Variants in KIAA0586 observed in about 807,000 individuals in gnomAD.
The protein encoded by KIAA0586 is KIAA0586, also known as protein TALPID3.
In KIAA0586, 144 loss-of-function variants were observed where a neutral mutation model predicts 169.8. The ratio of observed to expected loss-of-function variants is 0.85; its 90% CI spans 0.74 to 0.97. The LOEUF is 0.97. KIAA0586 is among the 50% of genes least tolerant of loss of function. KIAA0586 has a pLI of 0.00. For synonymous variants in KIAA0586, 625 were observed against 612.4 expected, an observed-to-expected ratio of 1.02 and a Z score of -0.30; for missense variants, 1,854 against 1,823.0, an observed-to-expected ratio of 1.02 and a Z score of -0.31.
chr14:58,522,120 TC>T, intron 29 of KIAA0586: 2 of 593,680 alleles, frequency 3.4e-6, no homozygotes, highest in East Asian at 5.5e-5. Context: ...CCAATCCTTG[TC>T]CTTCCCATGT....
rs182002401 is a variant in KIAA0586 at position 58,442,593 on chromosome 14, A to G, written c.411-113A>G. 8.1e-4 allele frequency: 596 copies of G among 734,512 alleles called. 4 individuals carry two copies. In the African/African-American group the frequency reaches 9.7e-3, roughly 12 times the overall value. 45.5% of individuals were successfully genotyped at this position (734,512 alleles called of 1,614,324 possible). A position where few individuals can be genotyped will look rare whatever the true frequency, so the allele number is the denominator to read the frequency against. On this transcript the variant is annotated intron_variant, in intron 4 of 30. Transcript: ENST00000652326. ...ACCAAATGACCTTGTTTGATAGGTG[A>G]TTTAATTAAAAAAAATCAAAACCAC...
chr14:58,536,841 T>A (rs2046318551), intron 29 of KIAA0586, among the ~76,000 whole-genome samples: 1 of 152,142 alleles, frequency 6.6e-6, no homozygotes, highest in Non-Finnish European at 1.5e-5. Flanking sequence ...GTGGTAAAGA[T>A]AAAAATATAA....
At chr14:58,435,947 G>C (rs746202156) in intron 4 of KIAA0586, among the ~76,000 whole-genome samples, 1 of 152,072 alleles carries the variant, frequency 6.6e-6, no homozygotes, top group African/African-American at 2.4e-5. Context: ...GACCTTAGGC[G>C]ATCTGCCCAC....
downstream of KIAA0586, among the ~76,000 whole-genome samples, chr14:58,555,257 C>T (rs1299738236): frequency 2.6e-5 from 4 of 152,004 alleles, no homozygotes; most frequent in Admixed American, 6.6e-5. Flanking sequence ...CCCACCACCA[C>T]GACTGGCTAA....
chr14:58,485,442 T>C (rs767656040), intron 21 of KIAA0586, among the ~76,000 whole-genome samples: 1 of 152,168 alleles, frequency 6.6e-6, no homozygotes. Flanking sequence ...GGTGGTAGTA[T>C]AATATAGTAA....
intron 28 of KIAA0586, among the ~76,000 whole-genome samples, chr14:58,510,957 G>A (rs2044343721): frequency 6.6e-6 from 1 of 152,122 alleles, no homozygotes; most frequent in South Asian, 2.1e-4. Flanking sequence ...TGGGGTGATG[G>A]TAGGAGTTAG....
At position 58,547,999 on chromosome 14, in the gene KIAA0586, A is replaced by G; in HGVS notation, c.*67A>G. The G allele has an allele frequency of 6.3e-7, 1 of 1,574,818 alleles. No individual in the cohort carries two copies. The highest frequency in any genetic ancestry group is 1.4e-5 in the African/African-American group (1 of 73,978). On this transcript the variant is annotated 3_prime_UTR_variant, in exon 31 of 31. Transcript: ENST00000652326. ...TAAAGTCATTTTACCTTGGCTTAAA[A>G]CCCTCTCTCAGACTGTTTGGTTTTT...
At chr14:58,558,399 A>AT in the KIAA0586 span, among the ~76,000 whole-genome samples, 2 of 152,200 alleles carry the variant, frequency 1.3e-5, no homozygotes, top group Non-Finnish European at 2.9e-5. Context: ...TTCAGTTGAC[A>AT]TTTTATGTCC....
intron 9 of KIAA0586, among the ~76,000 whole-genome samples, 187 bp from the exon 10 acceptor site, chr14:58,456,515 T>C (rs1302648655): frequency 6.6e-6 from 1 of 152,212 alleles, no homozygotes; most frequent in Non-Finnish European, 1.5e-5. Flanking sequence ...TCTTGTGATT[T>C]TCTGTGTTTC....
intron 28 of KIAA0586, among the ~76,000 whole-genome samples, chr14:58,510,611 C>G (rs923691803): frequency 1.3e-5 from 2 of 152,146 alleles, no homozygotes; most frequent in African/African-American, 4.8e-5. Flanking sequence ...ATGAACCATG[C>G]ATTTCACTCC....
intron 27 of KIAA0586, among the ~76,000 whole-genome samples, chr14:58,506,682 C>CAA (rs966237090): frequency 1.7e-4 from 13 of 77,788 alleles, no homozygotes; most frequent in African/African-American, 1.5e-4. Context: ...GTCTCCGTCT[C>CAA]AAAAAAAAAA....
chr14:58,432,567 A>T, intron 4 of KIAA0586, 110 bp downstream of exon 4: 1 of 610,150 alleles, frequency 1.6e-6, no homozygotes, highest in African/African-American at 1.9e-5. Flanking sequence ...ATATTGTGTG[A>T]TATGTATAAA....
chr14:58,459,286 A>C (rs1398537248), intron 12 of KIAA0586, among the ~76,000 whole-genome samples: 1 of 152,168 alleles, frequency 6.6e-6, no homozygotes, highest in Admixed American at 6.6e-5. Context: ...GAAGTTATGA[A>C]AAATTTATTT....
At chr14:58,440,661 A>G (rs1369042121) in intron 4 of KIAA0586, among the ~76,000 whole-genome samples, 1 of 152,208 alleles carries the variant, frequency 6.6e-6, no homozygotes, top group African/African-American at 2.4e-5. Context: ...AAGTAAATCT[A>G]AATGACCTAG....
chr14:58,508,330 T>C (rs892567714), intron 27 of KIAA0586, among the ~76,000 whole-genome samples: 1 of 152,228 alleles, frequency 6.6e-6, no homozygotes, highest in East Asian at 1.9e-4. Flanking sequence ...GAACTTTACA[T>C]AGAATATTCC....
At chr14:58,449,901 G>C (rs945865877) in intron 7 of KIAA0586, among the ~76,000 whole-genome samples, 14 of 152,104 alleles carry the variant, frequency 9.2e-5, no homozygotes, top group Admixed American at 9.2e-4. Flanking sequence ...TAAAAATTCA[G>C]TAAATTAAAC....
chr14:58,534,909 G>A (rs1265388469), intron 29 of KIAA0586, among the ~76,000 whole-genome samples: 1 of 152,122 alleles, frequency 6.6e-6, no homozygotes. Context: ...TATTGTAAGT[G>A]TACAGCTCAA....
At position 58,494,329 on chromosome 14, in the gene KIAA0586, G is replaced by GTT. The variant is rs11428665; in HGVS notation, c.3990+2064_3990+2065dup. On this transcript the variant is annotated intron_variant, in intron 26 of 30. Transcript: ENST00000652326. Reference sequence around the variant, plus strand: ...ATACTTGACATTCTTGTTTTTTGTTGTTTTTTTTTTTGCTTTGCATTTTAA... The same window carrying GTT: ...ATACTTGACATTCTTGTTTTTTGTTGTTTTTTTTTTTTTGCTTTGCATTTTAA... Among the ~76,000 whole-genome samples, 342 of 142,028 alleles carry GTT rather than the reference G, an allele frequency of 2.4e-3. 2 individuals carry two copies. Among genetic ancestry groups the GTT allele is most frequent in the Non-Finnish European group, 3.0e-3 (196 of 65,360 alleles). The allele number at this position is 142,028 out of a possible 152,430, so 93.2% of individuals were successfully genotyped here. A position where few individuals can be genotyped will look rare whatever the true frequency, so the allele number is the denominator to read the frequency against.
At chr14:58,430,622 C>T (rs906074711) in intron 2 of KIAA0586, 26 bp from the exon 3 acceptor site, 2 of 1,426,108 alleles carry the variant, frequency 1.4e-6, no homozygotes, top group African/African-American at 1.4e-5. Flanking sequence ...TTTATTTAGC[C>T]TATTTCTTCC....
Sources: gnomAD v4.1 joint callset for allele counts (sites outside exome capture counted in the v4.1 genomes callset) on GRCh38, gnomAD v4.1.1 for gene constraint, MANE v1.5 for transcripts, NCBI Gene and HGNC (gene_info 2026-07-23, HGNC 2026-07-21) for gene names.